Variants in TMEM38B observed in about 807,000 individuals in gnomAD.
TMEM38B encodes the protein trimeric intracellular cation channel type B.
A neutral mutation model predicts 28.7 loss-of-function variants in TMEM38B; 24 were observed. That is an observed-to-expected ratio of 0.84 (90% confidence interval 0.61 to 1.18). TMEM38B has a LOEUF of 1.18. TMEM38B is among the 50% of genes most tolerant of loss of function. The pLI is 0.00. For synonymous variants in TMEM38B, 131 were observed against 127.7 expected (o/e 1.03, Z -0.17); for missense variants, 380 against 350.9 (o/e 1.08, Z -0.66).
chr9:105,700,374 C>T (rs2133545226), intron 1 of TMEM38B, among the ~76,000 whole-genome samples: 1 of 152,250 alleles, frequency 6.6e-6, no homozygotes, highest in East Asian at 1.9e-4. Flanking sequence ...TATGTTAATT[C>T]TATTCCTCAC....
chr9:105,696,157 A>C (rs1254366638), intron 1 of TMEM38B, among the ~76,000 whole-genome samples: 1 of 152,242 alleles, frequency 6.6e-6, no homozygotes, highest in Non-Finnish European at 1.5e-5. Context: ...TAACAGAAGG[A>C]AGTAGATATG....
In TMEM38B at chr9:105,776,545, A is replaced by G. The variant is rs1298553253; in HGVS notation, c.*2465A>G. On this transcript the variant is annotated 3_prime_UTR_variant, in exon 6 of 6. Coordinates refer to ENST00000374692, the MANE Select transcript of TMEM38B (RefSeq NM_018112.3). ...TGATTACAATTGAGTGGAACATCCC[A>G]TGTTGTAAATGGAATAATGTGTTCA... 1 of 152,108 alleles carries G rather than the reference A, an allele frequency of 6.6e-6. No individual in the cohort carries two copies. The highest frequency in any genetic ancestry group is 1.5e-5 in the Non-Finnish European group (1 of 68,014). The allele number at this position is 152,108 out of a possible 1,614,324, so 9.4% of individuals were successfully genotyped here.
Position 105,696,946 on chromosome 9 carries a change from C to T in TMEM38B, c.112+2174C>T, listed in dbSNP as rs567222776. ...TGGCGGATGTTGGAGTTGCTTTAGC[C>T]GCCACAACTATTTAAAATTTTCTCA... is the stretch of plus-strand genomic sequence containing the variant. On this transcript the variant is annotated intron_variant, in intron 1 of 5. Transcript: ENST00000374692. Among the ~76,000 whole-genome samples, 20 of 152,240 alleles carry T rather than the reference C, an allele frequency of 1.3e-4. No individual in the cohort carries two copies. The South Asian group carries it at 3.9e-3, about 30-fold the overall frequency.
chr9:105,738,170 C>T (rs912062294), intron 4 of TMEM38B, among the ~76,000 whole-genome samples: 25 of 151,946 alleles, frequency 1.6e-4, no homozygotes, highest in African/African-American at 5.8e-4. Context: ...TGAACACAGC[C>T]GTATGGACTC....
intron 5 of TMEM38B, among the ~76,000 whole-genome samples, chr9:105,765,849 T>C (rs1826353943): frequency 6.6e-6 from 1 of 152,140 alleles, no homozygotes; most frequent in South Asian, 2.1e-4. Flanking sequence ...TCACCCAGGC[T>C]GGAGTGCAGT....
intron 5 of TMEM38B, among the ~76,000 whole-genome samples, 164 bp from the exon 6 acceptor site, chr9:105,773,701 G>A (rs972397147): frequency 1.3e-5 from 2 of 152,114 alleles, no homozygotes; most frequent in African/African-American, 4.8e-5. Context: ...TTTCCATTAA[G>A]TAGAATCTCA....
In TMEM38B at chr9:105,731,458, C is replaced by CCTCT. The variant is rs1481406481; in HGVS notation, c.542+8839_542+8842dup. 1.1e-4 allele frequency among the ~76,000 whole-genome samples: 17 copies of CCTCT among 152,142 alleles called. No individual in the cohort carries two copies. In the South Asian group the frequency reaches 3.5e-3, roughly 32 times the overall value. On this transcript the variant is annotated intron_variant, in intron 4 of 5. Coordinates refer to ENST00000374692, the MANE Select transcript of TMEM38B (RefSeq NM_018112.3). Reference sequence around the variant, plus strand: ...CTCTTAATGCTATCCCTTCCCCCTCCCTCTCACCCCACGACAGGCCCTGGT... The same window carrying CCTCT: ...CTCTTAATGCTATCCCTTCCCCCTCCCTCTCTCTCACCCCACGACAGGCCCTGGT...
At chr9:105,702,221 C>T (rs149671571) in intron 1 of TMEM38B, among the ~76,000 whole-genome samples, 207 of 151,202 alleles carry the variant, frequency 1.4e-3, no homozygotes, top group African/African-American at 4.7e-3. Context: ...TCATTTTTCT[C>T]TCTTTTTAAA....
chr9:105,757,067 T>C (rs1837860751), intron 5 of TMEM38B, among the ~76,000 whole-genome samples: 1 of 152,090 alleles, frequency 6.6e-6, no homozygotes, highest in South Asian at 2.1e-4. Context: ...TCTCCCACCC[T>C]TCCCCCCAAG....
chr9:105,723,715 G>T (rs1478861754), intron 4 of TMEM38B, among the ~76,000 whole-genome samples: 1 of 152,006 alleles, frequency 6.6e-6, no homozygotes, highest in African/African-American at 2.4e-5. Context: ...TATTTTTGTA[G>T]AGATGGGGTC....
chr9:105,724,668 A>G (rs946556083), intron 4 of TMEM38B, among the ~76,000 whole-genome samples: 8 of 152,046 alleles, frequency 5.3e-5, no homozygotes, highest in Non-Finnish European at 7.4e-5. Flanking sequence ...ACAAGTGATG[A>G]AGTACATTTG....
At chr9:105,742,540 A>G (rs931489762) in intron 4 of TMEM38B, among the ~76,000 whole-genome samples, 5 of 152,246 alleles carry the variant, frequency 3.3e-5, no homozygotes, top group East Asian at 1.9e-4. Context: ...GGAAACTAAT[A>G]TAGTAAGCAT....
intron 5 of TMEM38B, among the ~76,000 whole-genome samples, chr9:105,766,753 T>C (rs1826387280): frequency 6.6e-6 from 1 of 152,126 alleles, no homozygotes; most frequent in South Asian, 2.1e-4. Context: ...TTTTTTTTAT[T>C]ATTATACTTT....
intron 5 of TMEM38B, chr9:105,759,388 T>G (rs1267686174): frequency 7.6e-6 from 11 of 1,452,978 alleles, no homozygotes; most frequent in African/African-American, 5.7e-5. Flanking sequence ...AAAAGAAGAA[T>G]AAGATTCTAC....
At chr9:105,725,129 A>G (rs1836460966) in intron 4 of TMEM38B, among the ~76,000 whole-genome samples, 1 of 152,080 alleles carries the variant, frequency 6.6e-6, no homozygotes, top group African/African-American at 2.4e-5. Context: ...ACTTTGCTCA[A>G]AGTATTTTCT....
chr9:105,753,097 A>G (rs1837717748), intron 5 of TMEM38B, among the ~76,000 whole-genome samples: 1 of 152,210 alleles, frequency 6.6e-6, no homozygotes. Context: ...TTTCTGAAAT[A>G]AGACAGGCAG....
intron 5 of TMEM38B, among the ~76,000 whole-genome samples, chr9:105,771,270 T>C (rs865803201): frequency 6.6e-6 from 1 of 152,218 alleles, no homozygotes. Flanking sequence ...TTATTCTATT[T>C]GTCACAAGTA....
At chr9:105,749,024 A>G (rs1837544023) in intron 5 of TMEM38B, 3 of 1,256,118 alleles carry the variant, frequency 2.4e-6, no homozygotes, top group Non-Finnish European at 3.1e-6. Flanking sequence ...TTATATAAAT[A>G]TGTGTCTTAG....
intron 2 of TMEM38B, chr9:105,710,624 C>A: frequency 1.3e-6 from 1 of 756,934 alleles, no homozygotes. Flanking sequence ...AGAAGCAAAT[C>A]CTCTCTTGGA....
Sources: allele counts gnomAD v4.1 joint callset (sites outside exome capture counted in the v4.1 genomes callset), GRCh38; gene constraint gnomAD v4.1.1; transcripts MANE v1.5; gene names NCBI Gene and HGNC (gene_info 2026-07-23, HGNC 2026-07-21).